The following WRN variants were observed in gnomAD, a reference collection of about 807,000 sequenced individuals.
WRN encodes WRN RecQ like helicase, also known as bifunctional 3'-5' exonuclease/ATP-dependent helicase WRN.
A neutral mutation model predicts 180.7 loss-of-function variants in WRN; 149 were observed. That is an observed-to-expected ratio of 0.82 (90% confidence interval 0.72 to 0.94). The LOEUF (loss-of-function observed/expected upper bound fraction) is 0.94. Among genes scored for constraint, WRN ranks in the 40% least tolerant of loss-of-function variants. The pLI is 0.00. For synonymous variants in WRN, 548 were observed against 568.9 expected (o/e 0.96, Z 0.52); for missense variants, 1,661 against 1,700.1 (o/e 0.98, Z 0.40).
In WRN at chr8:31,049,042, T is replaced by TA. The variant is rs1157694482; in HGVS notation, c.-76-9320dup. On this transcript the variant is annotated intron_variant, in intron 1 of 34. Transcript: ENST00000298139. ...TAACACGGTGAAACCCTGTCTCTACTAAAAAAAAAATACAGAAAATGAGCC... is the reference window on the plus strand; with the variant it reads ...TAACACGGTGAAACCCTGTCTCTACTAAAAAAAAAAATACAGAAAATGAGCC... Among the ~76,000 whole-genome samples, 717 of 145,714 alleles carry TA rather than the reference T, an allele frequency of 4.9e-3. 4 individuals carry two copies. The highest frequency in any genetic ancestry group is 0.017 in the African/African-American group (673 of 39,880).
intron 1 of WRN, among the ~76,000 whole-genome samples, chr8:31,042,185 G>A (rs1563318204): frequency 6.6e-6 from 1 of 152,158 alleles, no homozygotes; most frequent in Admixed American, 6.5e-5. Flanking sequence ...GGATTCAGTC[G>A]TTGGTAATAA....
At chr8:31,088,267 TTTC>T (rs2130159830) in intron 12 of WRN, among the ~76,000 whole-genome samples, 1 of 152,278 alleles carries the variant, frequency 6.6e-6, no homozygotes, top group Non-Finnish European at 1.5e-5. Context: ...TGTTTTGCCC[TTTC>T]TTGGCCACTC....
In WRN at chr8:31,138,152, G is replaced by C. The variant is rs140887829; in HGVS notation, c.2968-3278G>C. Among the ~76,000 whole-genome samples, 738 of 151,998 alleles carry C rather than the reference G, an allele frequency of 4.9e-3. 6 individuals carry two copies. Among genetic ancestry groups the C allele is most frequent in the African/African-American group, 0.017 (698 of 41,468 alleles). On this transcript the variant is annotated intron_variant, in intron 24 of 34. Coordinates refer to ENST00000298139, the MANE Select transcript of WRN (RefSeq NM_000553.6). ...TCTGGAGGCCTGTGTTCTAGTCCTA[G>C]CTTTAGTACGGCTACACAGTGACAC...
At chr8:31,112,351 A>G (rs1179834384) in intron 19 of WRN, among the ~76,000 whole-genome samples, 1 of 152,188 alleles carries the variant, frequency 6.6e-6, no homozygotes, top group Non-Finnish European at 1.5e-5. Context: ...AGGAGCTTAG[A>G]AAAGGTCACC....
intron 33 of WRN, among the ~76,000 whole-genome samples, chr8:31,161,703 G>A (rs750559744): frequency 5.9e-5 from 9 of 152,040 alleles, no homozygotes; most frequent in Non-Finnish European, 1.2e-4. Context: ...GCTGGGCGTG[G>A]TGTTGGGTGC....
chr8:31,113,291 C>G (rs1801389146), intron 19 of WRN, among the ~76,000 whole-genome samples: 1 of 151,830 alleles, frequency 6.6e-6, no homozygotes, highest in Non-Finnish European at 1.5e-5. Context: ...GTGTTTTCCT[C>G]TAAAGGGAAT....
At chr8:31,065,233 T>G (rs2130038581) in intron 5 of WRN, among the ~76,000 whole-genome samples, 170 bp downstream of exon 5, 1 of 152,324 alleles carries the variant, frequency 6.6e-6, no homozygotes, top group Admixed American at 6.5e-5. Context: ...TTTATTTATT[T>G]ATTTATTTTT....
chr8:31,161,838 C>CAA (rs1157979302), intron 33 of WRN, among the ~76,000 whole-genome samples: 31,246 of 97,680 alleles, frequency 0.32, 6,077 homozygotes, highest in East Asian at 0.62. Context: ...GACTCTGTCT[C>CAA]AAAAAAAAAA....
intron 1 of WRN, among the ~76,000 whole-genome samples, chr8:31,036,129 G>C (rs2129890327): frequency 6.6e-6 from 1 of 152,266 alleles, no homozygotes; most frequent in South Asian, 2.1e-4. Flanking sequence ...GTCTTTCCCT[G>C]CCTGGTTTAT....
chr8:31,132,527 T>C, intron 24 of WRN, 21 bp downstream of exon 24: 1 of 1,613,984 alleles, frequency 6.2e-7, no homozygotes, highest in Non-Finnish European at 8.5e-7. Context: ...ATCTGTGAAT[T>C]CCCTTCATAG....
At chr8:31,123,042 T>TA (rs1801786403) in intron 21 of WRN, among the ~76,000 whole-genome samples, 1 of 151,974 alleles carries the variant, frequency 6.6e-6, no homozygotes. Flanking sequence ...TCCAAAATGT[T>TA]AAATAGAAAA....
chr8:31,175,593 C>T lies in WRN; in HGVS notation c.*2491C>T, dbSNP rs544321509. On this transcript the variant is annotated 3_prime_UTR_variant, in exon 35 of 35. Transcript: ENST00000298139. Reference sequence around the variant, plus strand: ...TAATCTTTAAGAAACTATTACTTGTCCACTTTTTGGTAAAATTTCAGAGAA... The same window carrying T: ...TAATCTTTAAGAAACTATTACTTGTTCACTTTTTGGTAAAATTTCAGAGAA... Among the ~76,000 whole-genome samples the T allele has an allele frequency of 2.6e-4, 40 of 152,298 alleles. No homozygotes were observed. In the South Asian group the frequency reaches 8.1e-3, roughly 31 times the overall value.
At chr8:31,056,848 A>G (rs1812294754) in intron 1 of WRN, among the ~76,000 whole-genome samples, 1 of 152,210 alleles carries the variant, frequency 6.6e-6, no homozygotes, top group Non-Finnish European at 1.5e-5. Context: ...CTTTCTTGCT[A>G]ACATTTTCTA....
chr8:31,101,314 A>G (rs991162364), intron 18 of WRN, among the ~76,000 whole-genome samples: 2 of 152,026 alleles, frequency 1.3e-5, no homozygotes, highest in African/African-American at 4.8e-5. Context: ...TGTGGGCCAT[A>G]TTTGTCCGAA....
At chr8:31,082,740 G>T (rs1813368027) in intron 9 of WRN, among the ~76,000 whole-genome samples, 1 of 151,876 alleles carries the variant, frequency 6.6e-6, no homozygotes, top group South Asian at 2.1e-4. Context: ...GGGATTACAG[G>T]TGCCCGCCAC....
At chr8:31,034,426 C>T (rs1230664616) in intron 1 of WRN, among the ~76,000 whole-genome samples, 1 of 152,066 alleles carries the variant, frequency 6.6e-6, no homozygotes, top group African/African-American at 2.4e-5. Context: ...CTCAGTTGTT[C>T]TCAGGCTAGG....
At chr8:31,140,074 G>A (rs1436043272) in intron 24 of WRN, among the ~76,000 whole-genome samples, 2 of 129,226 alleles carry the variant, frequency 1.5e-5, no homozygotes, top group African/African-American at 6.1e-5. Context: ...GTAGTGCAGT[G>A]GTGTCATCAT....
chr8:31,072,814 C>G (rs1812960028), intron 7 of WRN, among the ~76,000 whole-genome samples: 1 of 152,108 alleles, frequency 6.6e-6, no homozygotes, highest in Admixed American at 6.6e-5. Context: ...ACCAAGCAAA[C>G]CATGCCCCTT....
intron 7 of WRN, among the ~76,000 whole-genome samples, chr8:31,073,789 C>G (rs1812997857): frequency 1.3e-5 from 2 of 152,072 alleles, no homozygotes; most frequent in Non-Finnish European, 2.9e-5. Context: ...GTTCTGAAGC[C>G]ACCTGAAGAA....
Sources: gnomAD v4.1 joint callset for allele counts (sites outside exome capture counted in the v4.1 genomes callset) on GRCh38, gnomAD v4.1.1 for gene constraint, MANE v1.5 for transcripts, NCBI Gene and HGNC (gene_info 2026-07-23, HGNC 2026-07-21) for gene names.